TTLL9: variants seen among roughly 807,000 people sequenced by gnomAD.
TTLL9 encodes tubulin tyrosine ligase like 9.
In TTLL9, 47 loss-of-function variants were observed where a neutral mutation model predicts 65.6. That is an observed-to-expected ratio of 0.72 (90% CI 0.57 to 0.91). The LOEUF (loss-of-function observed/expected upper bound fraction) is 0.91. Ranked by LOEUF, TTLL9 falls within the 40% of genes least tolerant of loss-of-function variation. The pLI, the probability that TTLL9 is intolerant of heterozygous loss-of-function variation, is 0.00. For synonymous variants in TTLL9, 179 were observed against 204.8 expected, an observed-to-expected ratio of 0.87 and a Z score of 1.07; for missense variants, 537 against 568.8, an observed-to-expected ratio of 0.94 and a Z score of 0.57.
intron 3 of TTLL9, among the ~76,000 whole-genome samples, chr20:31,888,797 A>G (rs1359063302): frequency 1.3e-5 from 2 of 152,172 alleles, no homozygotes; most frequent in Non-Finnish European, 2.9e-5. Context: ...TCACACGGCA[A>G]GAGTGGGAAC....
At chr20:31,938,499 C>T (rs566139741) in intron 13 of TTLL9, among the ~76,000 whole-genome samples, 2 of 152,300 alleles carry the variant, frequency 1.3e-5, no homozygotes, top group Admixed American at 6.5e-5. Flanking sequence ...CCATACCCTG[C>T]GGACACAGTA....
At chr20:31,922,629 C>CT (rs770353524) in intron 7 of TTLL9, among the ~76,000 whole-genome samples, 12 of 152,224 alleles carry the variant, frequency 7.9e-5, no homozygotes, top group Non-Finnish European at 1.6e-4. Flanking sequence ...ATTTCATTTA[C>CT]TTTTCATCAA....
At chr20:31,896,055 G>C (rs2063382809) in intron 3 of TTLL9, among the ~76,000 whole-genome samples, 1 of 152,030 alleles carries the variant, frequency 6.6e-6, no homozygotes, top group Non-Finnish European at 1.5e-5. Flanking sequence ...GTCCAGGCTG[G>C]TCTGGAACTC....
At chr20:31,880,959 T>A (rs1478205205) in intron 2 of TTLL9, among the ~76,000 whole-genome samples, 1 of 147,510 alleles carries the variant, frequency 6.8e-6, no homozygotes, top group East Asian at 2.1e-4. Context: ...GCGATTTTCC[T>A]CCCTCTGCTT....
chr20:31,885,909 T>C (rs1322366604), intron 2 of TTLL9, among the ~76,000 whole-genome samples: 1 of 152,170 alleles, frequency 6.6e-6, no homozygotes, highest in Admixed American at 6.5e-5. Context: ...GGAAAACAAA[T>C]TTGCATGTTG....
At chr20:31,922,858 A>G in intron 7 of TTLL9, 105 bp from the exon 8 acceptor site, 1 of 852,360 alleles carries the variant, frequency 1.2e-6, no homozygotes, top group South Asian at 1.5e-5. Context: ...GACAGGGTTG[A>G]TTTAAAGATT....
At chr20:31,896,192 G>C (rs1568764821) in intron 3 of TTLL9, among the ~76,000 whole-genome samples, 1 of 151,952 alleles carries the variant, frequency 6.6e-6, no homozygotes, top group Non-Finnish European at 1.5e-5. Flanking sequence ...TGGTCAGGCT[G>C]GTCTCCAGCT....
intron 1 of TTLL9, 80 bp downstream of exon 1, chr20:31,871,029 T>C (rs1013019291): frequency 3.3e-6 from 4 of 1,205,394 alleles, no homozygotes; most frequent in Admixed American, 3.4e-5. Context: ...TCCCATCCAT[T>C]CTCCCACCCT....
chr20:31,875,575 C>T (rs1463737629), intron 2 of TTLL9, among the ~76,000 whole-genome samples: 14 of 152,182 alleles, frequency 9.2e-5, no homozygotes, highest in Admixed American at 8.5e-4. Flanking sequence ...TCCCATCCTC[C>T]TTACCAAGCT....
intron 10 of TTLL9, among the ~76,000 whole-genome samples, chr20:31,927,791 G>T (rs1311155962): frequency 6.6e-6 from 1 of 152,194 alleles, no homozygotes; most frequent in African/African-American, 2.4e-5. Flanking sequence ...AGCTTCGGGT[G>T]TGGACAACCC....
chr20:31,908,978 C>A (rs1348387257), intron 5 of TTLL9, among the ~76,000 whole-genome samples: 1 of 151,672 alleles, frequency 6.6e-6, no homozygotes, highest in African/African-American at 2.4e-5. Context: ...GGAGAGGATG[C>A]ATGAATGATT....
intron 3 of TTLL9, among the ~76,000 whole-genome samples, chr20:31,896,273 C>T (rs960391748): frequency 1.1e-4 from 17 of 152,160 alleles, no homozygotes; most frequent in Non-Finnish European, 2.1e-4. Context: ...CCACCTAGCC[C>T]GGCCCCCTGG....
intron 2 of TTLL9, among the ~76,000 whole-genome samples, chr20:31,874,608 C>T (rs1160465320): frequency 1.3e-5 from 2 of 152,086 alleles, no homozygotes; most frequent in Admixed American, 6.6e-5. Flanking sequence ...AGGGGTTTCA[C>T]CGTGTTGGCC....
chr20:31,918,089 T>C (rs1411449188), intron 6 of TTLL9, among the ~76,000 whole-genome samples: 1 of 151,938 alleles, frequency 6.6e-6, no homozygotes, highest in African/African-American at 2.4e-5. Context: ...ACTGTTTTAC[T>C]GGGGCCCATT....
chr20:31,910,302 A>C (rs896067657), intron 6 of TTLL9, among the ~76,000 whole-genome samples: 9 of 152,232 alleles, frequency 5.9e-5, no homozygotes, highest in African/African-American at 2.2e-4. Flanking sequence ...CATTTCACAA[A>C]TACTTACTGA....
intron 3 of TTLL9, among the ~76,000 whole-genome samples, chr20:31,891,950 G>A (rs2063313622): frequency 6.7e-6 from 1 of 150,356 alleles, no homozygotes; most frequent in Admixed American, 6.6e-5. Context: ...TTACAGGCAT[G>A]CACCACCACA....
Position 31,943,382 on chromosome 20 carries a change from C to G in TTLL9, c.*361C>G, listed in dbSNP as rs2064254288. 1 of 345,650 alleles carries G rather than the reference C, an allele frequency of 2.9e-6. No individual in the cohort carries two copies. 21.4% of individuals were successfully genotyped at this position (345,650 alleles called of 1,614,324 possible). A position where few individuals can be genotyped will look rare whatever the true frequency, so the allele number is the denominator to read the frequency against. ...TACTTGGAGTCACTGGGCACCAGGCCTGGTTCCGGGGATACTGTTGGCTGC... is the reference window on the plus strand; with the variant it reads ...TACTTGGAGTCACTGGGCACCAGGCGTGGTTCCGGGGATACTGTTGGCTGC... On this transcript the variant is annotated 3_prime_UTR_variant, in exon 15 of 15. Transcript: ENST00000535842.
chr20:31,898,638 C>G, intron 4 of TTLL9, 73 bp downstream of exon 4: 1 of 1,427,190 alleles, frequency 7.0e-7, no homozygotes, highest in South Asian at 1.2e-5. Flanking sequence ...TGTTTTTCTC[C>G]CAGTTCCCCT....
intron 4 of TTLL9, among the ~76,000 whole-genome samples, chr20:31,902,116 TTTC>T (rs2063487875): frequency 6.6e-6 from 1 of 152,092 alleles, no homozygotes; most frequent in African/African-American, 2.4e-5. Context: ...CCACTTTTTT[TTTC>T]CCCCACATAC....
Sources: allele counts gnomAD v4.1 joint callset (sites outside exome capture counted in the v4.1 genomes callset), GRCh38; gene constraint gnomAD v4.1.1; transcripts MANE v1.5; gene names NCBI Gene and HGNC (gene_info 2026-07-23, HGNC 2026-07-21).